Variants in FAF1 observed in about 807,000 individuals in gnomAD.
The protein encoded by FAF1 is Fas associated factor 1.
Under a neutral mutation model 92.5 loss-of-function variants are expected in FAF1, and 25 were observed. The ratio of observed to expected loss-of-function variants is 0.27; its 90% CI spans 0.20 to 0.38. The LOEUF (loss-of-function observed/expected upper bound fraction) is 0.38. FAF1 is among the 10% of genes least tolerant of loss of function. The pLI is 1.00. For missense variants in FAF1, 636 were observed against 793.3 expected, an observed-to-expected ratio of 0.80 and a Z score of 2.38; for synonymous variants, 234 against 273.2, an observed-to-expected ratio of 0.86 and a Z score of 1.42.
At position 50,959,864 on chromosome 1, in the gene FAF1, G is replaced by A; in HGVS notation, c.-53C>T. On this transcript the variant is annotated 5_prime_UTR_variant, in exon 1 of 19. Coordinates refer to ENST00000396153, the MANE Select transcript of FAF1 (RefSeq NM_007051.3). ...GAGCGAAGCGCGCACCTGGGAGGCAGACGGCACCTCCTGCGACCGTCGCCG... is the reference window on the plus strand; with the variant it reads ...GAGCGAAGCGCGCACCTGGGAGGCAAACGGCACCTCCTGCGACCGTCGCCG... The A allele has an allele frequency of 2.1e-6, 3 of 1,422,466 alleles. No homozygotes were observed. The highest frequency in any genetic ancestry group is 2.8e-6 in the Non-Finnish European group (3 of 1,058,272). 88.1% of individuals were successfully genotyped at this position (1,422,466 alleles called of 1,614,324 possible).
intron 6 of FAF1, among the ~76,000 whole-genome samples, chr1:50,725,457 T>A (rs1270820807): frequency 1.3e-5 from 2 of 152,102 alleles, no homozygotes; most frequent in Non-Finnish European, 2.9e-5. Context: ...AAAAGACATT[T>A]AAAAAAAATT....
At chr1:50,793,001 CTT>C (rs916546563) in intron 3 of FAF1, among the ~76,000 whole-genome samples, 17 of 151,318 alleles carry the variant, frequency 1.1e-4, no homozygotes, top group African/African-American at 4.1e-4. Context: ...TGTTTGTTTT[CTT>C]TTTTTTTATG....
intron 1 of FAF1, among the ~76,000 whole-genome samples, chr1:50,885,366 G>A (rs1209115249): frequency 1.4e-5 from 2 of 144,834 alleles, no homozygotes; most frequent in African/African-American, 2.6e-5. Flanking sequence ...ACATATCTAG[G>A]TGCCCCAGTG....
chr1:50,580,966 G>A (rs867757657), intron 12 of FAF1, among the ~76,000 whole-genome samples: 25 of 152,162 alleles, frequency 1.6e-4, no homozygotes, highest in Middle Eastern at 3.4e-3. Flanking sequence ...GTAAAGATGG[G>A]GTTTCACCAG....
At chr1:50,522,734 T>C (rs919051685) in intron 15 of FAF1, among the ~76,000 whole-genome samples, 2 of 152,200 alleles carry the variant, frequency 1.3e-5, no homozygotes, top group African/African-American at 4.8e-5. Flanking sequence ...TTGAAAACTA[T>C]ATTATTTGTG....
chr1:50,937,502 C>A (rs1645097336), intron 1 of FAF1, among the ~76,000 whole-genome samples: 1 of 151,602 alleles, frequency 6.6e-6, no homozygotes, highest in Admixed American at 6.6e-5. Context: ...AGTAGTGATC[C>A]CCTAATTACC....
intron 15 of FAF1, among the ~76,000 whole-genome samples, chr1:50,527,312 C>T (rs1404934746): frequency 6.6e-6 from 1 of 152,020 alleles, no homozygotes; most frequent in Non-Finnish European, 1.5e-5. Flanking sequence ...CTTTTCGAAC[C>T]CTTTGCCAGT....
At chr1:50,551,312 A>T (rs1054373027) in intron 13 of FAF1, among the ~76,000 whole-genome samples, 1 of 152,226 alleles carries the variant, frequency 6.6e-6, no homozygotes, top group Non-Finnish European at 1.5e-5. Context: ...GTTTAATGGT[A>T]TATAGTACAC....
chr1:50,760,552 T>C (rs1369144643), intron 4 of FAF1, among the ~76,000 whole-genome samples: 1 of 152,132 alleles, frequency 6.6e-6, no homozygotes. Context: ...ACTGCTCAAC[T>C]ACATGGAAAC....
intron 7 of FAF1, among the ~76,000 whole-genome samples, chr1:50,675,752 C>A (rs1005321440): frequency 6.6e-6 from 1 of 152,144 alleles, no homozygotes; most frequent in Non-Finnish European, 1.5e-5. Flanking sequence ...ATAGTCTTGC[C>A]TTAAAGGAAC....
intron 6 of FAF1, among the ~76,000 whole-genome samples, chr1:50,709,936 C>T (rs1657847960): frequency 6.6e-6 from 1 of 152,116 alleles, no homozygotes; most frequent in Admixed American, 6.6e-5. Context: ...AGGATGATTT[C>T]AGACATAGAA....
At chr1:50,935,201 A>G (rs1387957777) in intron 1 of FAF1, among the ~76,000 whole-genome samples, 4 of 152,270 alleles carry the variant, frequency 2.6e-5, no homozygotes. Flanking sequence ...TAAGATAACT[A>G]CAAACTTTGT....
At chr1:50,673,256 C>CAA (rs1387262409) in intron 7 of FAF1, among the ~76,000 whole-genome samples, 3 of 118,496 alleles carry the variant, frequency 2.5e-5, no homozygotes, top group African/African-American at 6.2e-5. Flanking sequence ...GACTCTGTCT[C>CAA]AAAAAAAAAA....
intron 1 of FAF1, among the ~76,000 whole-genome samples, chr1:50,903,744 C>T (rs750257873): frequency 3.9e-5 from 6 of 152,110 alleles, no homozygotes; most frequent in Non-Finnish European, 7.4e-5. Context: ...GCAACAGATA[C>T]TAATTAGCAA....
intron 4 of FAF1, among the ~76,000 whole-genome samples, chr1:50,778,113 T>C: frequency 6.6e-6 from 1 of 152,178 alleles, no homozygotes; most frequent in East Asian, 1.9e-4. Flanking sequence ...GCAATTAGAA[T>C]GAATGAATTA....
At chr1:50,894,958 A>T (rs1288646712) in intron 1 of FAF1, among the ~76,000 whole-genome samples, 1 of 152,180 alleles carries the variant, frequency 6.6e-6, no homozygotes, top group Admixed American at 6.5e-5. Flanking sequence ...CAACCTAAAG[A>T]TACATCTTAA....
chr1:50,571,755 C>T (rs1273381573), intron 12 of FAF1, among the ~76,000 whole-genome samples: 6 of 152,122 alleles, frequency 3.9e-5, no homozygotes, highest in Non-Finnish European at 7.3e-5. Context: ...CCTTGAGCTA[C>T]AGTAGCTATT....
chr1:50,568,566 C>G (rs1490655874), intron 12 of FAF1, among the ~76,000 whole-genome samples: 1 of 152,142 alleles, frequency 6.6e-6, no homozygotes, highest in Non-Finnish European at 1.5e-5. Context: ...ATAGGAGACA[C>G]TGTTACTTTC....
chr1:50,503,323 A>G (rs909612840), intron 15 of FAF1, among the ~76,000 whole-genome samples: 2 of 152,126 alleles, frequency 1.3e-5, no homozygotes, highest in African/African-American at 4.8e-5. Flanking sequence ...AAAAAATTGT[A>G]TAGATATTGT....
Sources: allele counts gnomAD v4.1 joint callset (sites outside exome capture counted in the v4.1 genomes callset), GRCh38; gene constraint gnomAD v4.1.1; transcripts MANE v1.5; gene names NCBI Gene and HGNC (gene_info 2026-07-23, HGNC 2026-07-21).